FMN1: variants seen among roughly 807,000 people sequenced by gnomAD.
FMN1 encodes formin 1, also known as formin-1.
In FMN1, 110 loss-of-function variants were observed where a neutral mutation model predicts 132.4. The observed-to-expected ratio is 0.83, with a 90% CI of 0.71 to 0.97. The LOEUF is 0.97. Ranked by LOEUF, FMN1 falls within the 50% of genes least tolerant of loss-of-function variation. FMN1 has a pLI of 0.00. For synonymous variants in FMN1, 722 were observed against 651.7 expected, an observed-to-expected ratio of 1.11 and a Z score of -1.64; for missense variants, 1,792 against 1,705.3, an observed-to-expected ratio of 1.05 and a Z score of -0.90.
chr15:33,027,950 G>C (rs2035758609), intron 6 of FMN1, among the ~76,000 whole-genome samples: 1 of 152,188 alleles, frequency 6.6e-6, no homozygotes, highest in Non-Finnish European at 1.5e-5. Context: ...TCCCGCTACA[G>C]TGTTACTAGC....
intron 6 of FMN1, among the ~76,000 whole-genome samples, chr15:33,035,246 C>T (rs1332551017): frequency 1.3e-5 from 2 of 152,052 alleles, no homozygotes; most frequent in Admixed American, 6.5e-5. Context: ...ACAACTATAA[C>T]GTGATGTGAC....
chr15:32,856,968 A>G (rs574214730), intron 17 of FMN1, 47 bp downstream of exon 17: 5 of 1,332,046 alleles, frequency 3.8e-6, no homozygotes, highest in South Asian at 3.5e-5. Context: ...CATGGAATGA[A>G]GGATGTTTCA....
At chr15:32,776,116 A>G (rs926754818) in intron 20 of FMN1, among the ~76,000 whole-genome samples, 2 of 152,260 alleles carry the variant, frequency 1.3e-5, no homozygotes, top group African/African-American at 4.8e-5. Context: ...TGGAAGAGAA[A>G]GAAACAAAGT....
chr15:32,820,264 A>T (rs73386848), intron 17 of FMN1, among the ~76,000 whole-genome samples: 2,572 of 152,294 alleles, frequency 0.017, 81 homozygotes, highest in African/African-American at 0.058. Flanking sequence ...AGTAACAGAG[A>T]TTCATGATTA....
intron 19 of FMN1, among the ~76,000 whole-genome samples, chr15:32,779,815 G>A (rs2056606970): frequency 6.6e-6 from 1 of 152,160 alleles, no homozygotes; most frequent in Non-Finnish European, 1.5e-5. Flanking sequence ...ACCATGCAAT[G>A]TGCAATGCTG....
chr15:32,900,119 G>T lies in FMN1; in HGVS notation c.3514C>A (p.Leu1172Met). The T allele has an allele frequency of 1.2e-6, 2 of 1,613,698 alleles. No individual in the cohort carries two copies. Among genetic ancestry groups the T allele is most frequent in the Non-Finnish European group, 1.7e-6 (2 of 1,179,850 alleles). The part of the protein sequence containing the change: ...EIITRASKDL[L>M]HVKSVKDILA... ...ATATCCTTCACGCTCTTCACGTGCA[G>T]CAAGTCCTGTGATGGCAAACACCAG... The change falls in exon 14 of 21, where the codon CTG becomes ATG. Residue 1172 changes from leucine to methionine, a missense_variant. By Grantham distance (15) the Leu-to-Met change is conservative. Around this residue, in one of 3 missense-constraint regions of FMN1, gnomAD observed 1,150 missense variants for 1,043.1 expected, o/e 1.10. Transcript: ENST00000616417.
intron 14 of FMN1, among the ~76,000 whole-genome samples, chr15:32,899,357 G>T (rs1192623458): frequency 2.0e-5 from 3 of 152,206 alleles, no homozygotes; most frequent in African/African-American, 7.2e-5. Context: ...GGCCAGTGGG[G>T]AGCAGGCCCT....
intron 17 of FMN1, among the ~76,000 whole-genome samples, chr15:32,849,501 T>C (rs1000311311): frequency 6.6e-6 from 1 of 152,158 alleles, no homozygotes; most frequent in Non-Finnish European, 1.5e-5. Context: ...TTCCAATGTA[T>C]GGAAATACCA....
chr15:32,956,463 G>A (rs1596340786), intron 9 of FMN1, among the ~76,000 whole-genome samples: 1 of 151,894 alleles, frequency 6.6e-6, no homozygotes, highest in East Asian at 1.9e-4. Flanking sequence ...GTAAACTGGT[G>A]CCTGTCATGG....
At chr15:33,055,067 T>G (rs946069948) in intron 6 of FMN1, among the ~76,000 whole-genome samples, 1 of 152,286 alleles carries the variant, frequency 6.6e-6, no homozygotes, top group East Asian at 1.9e-4. Context: ...AAGTGGGGAT[T>G]GGACAATGCC....
At chr15:33,147,822 A>T (rs1449471016) in intron 4 of FMN1, among the ~76,000 whole-genome samples, 1 of 152,226 alleles carries the variant, frequency 6.6e-6, no homozygotes, top group Non-Finnish European at 1.5e-5. Flanking sequence ...CTTATTTGAG[A>T]TCATTGGAAA....
intron 6 of FMN1, among the ~76,000 whole-genome samples, chr15:33,051,283 A>T (rs894402495): frequency 1.3e-5 from 2 of 152,178 alleles, no homozygotes; most frequent in Admixed American, 6.5e-5. Context: ...CAGTCTGGGA[A>T]AGGTTAAGGT....
At chr15:32,907,305 C>T (rs556310528) in intron 12 of FMN1, among the ~76,000 whole-genome samples, 1 of 152,252 alleles carries the variant, frequency 6.6e-6, no homozygotes, top group South Asian at 2.1e-4. Flanking sequence ...ATGGTCCCAT[C>T]TGGGGGTGAT....
intron 19 of FMN1, among the ~76,000 whole-genome samples, chr15:32,777,428 A>C (rs2056454768): frequency 9.3e-6 from 1 of 107,306 alleles, no homozygotes; most frequent in East Asian, 2.2e-4. Flanking sequence ...GTTTTTTTCC[A>C]TTCAAAAAAT....
At chr15:32,831,846 T>C (rs1015434719) in intron 17 of FMN1, among the ~76,000 whole-genome samples, 1 of 152,016 alleles carries the variant, frequency 6.6e-6, no homozygotes, top group Non-Finnish European at 1.5e-5. Context: ...TGGGGAAGTA[T>C]TTTGAATATT....
intron 10 of FMN1, among the ~76,000 whole-genome samples, chr15:32,911,000 C>T (rs1324008503): frequency 6.6e-6 from 1 of 152,208 alleles, no homozygotes; most frequent in Non-Finnish European, 1.5e-5. Flanking sequence ...AGGCACCTTT[C>T]CGTGGCCACT....
intron 6 of FMN1, among the ~76,000 whole-genome samples, chr15:33,059,696 A>C (rs2037396078): frequency 6.6e-6 from 1 of 152,186 alleles, no homozygotes; most frequent in Non-Finnish European, 1.5e-5. Context: ...AGTTATGTGT[A>C]TCTTTCAGCA....
chr15:32,873,929 A>G (rs2059577100), intron 16 of FMN1, among the ~76,000 whole-genome samples: 1 of 151,858 alleles, frequency 6.6e-6, no homozygotes, highest in African/African-American at 2.4e-5. Flanking sequence ...CCATCATTCA[A>G]TTATTCCTAG....
chr15:32,971,868 C>T (rs2031822056), intron 7 of FMN1, among the ~76,000 whole-genome samples: 1 of 152,166 alleles, frequency 6.6e-6, no homozygotes, highest in South Asian at 2.1e-4. Context: ...AAAGCCCTGG[C>T]CCCACCTCCT....
Sources: gnomAD v4.1 joint callset for allele counts (sites outside exome capture counted in the v4.1 genomes callset) on GRCh38, gnomAD v4.1.1 for gene constraint, gnomAD v4.1.1 regional missense constraint, MANE v1.5 for transcripts, NCBI Gene and HGNC (gene_info 2026-07-23, HGNC 2026-07-21) for gene names.